The following BBS9 variants were observed in gnomAD, a reference collection of about 807,000 sequenced individuals.
BBS9 encodes the protein protein PTHB1.
BBS9 carries 89 observed loss-of-function variants against 117.7 expected under a neutral mutation model. The ratio of observed to expected loss-of-function variants is 0.76; its 90% CI spans 0.64 to 0.90. The LOEUF (loss-of-function observed/expected upper bound fraction) is 0.90. BBS9 is among the 40% of genes least tolerant of loss of function. The pLI, the probability that BBS9 is intolerant of heterozygous loss-of-function variation, is 0.00. For synonymous variants in BBS9, 379 were observed against 370.9 expected (o/e 1.02, Z -0.25); for missense variants, 982 against 1,042.2 (o/e 0.94, Z 0.80).
intron 21 of BBS9, among the ~76,000 whole-genome samples, chr7:33,576,342 C>T (rs1386522409): frequency 1.3e-5 from 2 of 152,132 alleles, no homozygotes; most frequent in Non-Finnish European, 2.9e-5. Context: ...AGGAATCCAA[C>T]TTACAAGAGA....
At chr7:33,634,049 C>G (rs1351113696) in intron 21 of BBS9, among the ~76,000 whole-genome samples, 1 of 152,224 alleles carries the variant, frequency 6.6e-6, no homozygotes, top group Non-Finnish European at 1.5e-5. Context: ...CCGCTGGTCC[C>G]CAGCAATCTG....
intron 5 of BBS9, among the ~76,000 whole-genome samples, chr7:33,238,736 T>G (rs985338027): frequency 6.6e-6 from 1 of 152,186 alleles, no homozygotes; most frequent in Non-Finnish European, 1.5e-5. Context: ...TTAGCCTTTT[T>G]ACTGTGAATT....
intron 19 of BBS9, among the ~76,000 whole-genome samples, chr7:33,480,231 G>A (rs1437659237): frequency 6.6e-6 from 1 of 152,164 alleles, no homozygotes; most frequent in Non-Finnish European, 1.5e-5. Flanking sequence ...GAAATTACTA[G>A]TGATAGTCAA....
chr7:33,195,811 G>A (rs2128201769), intron 5 of BBS9, among the ~76,000 whole-genome samples: 1 of 152,050 alleles, frequency 6.6e-6, no homozygotes, highest in Admixed American at 6.5e-5. Flanking sequence ...TCAGCCAAAT[G>A]GAAGTTCAGA....
intron 21 of BBS9, among the ~76,000 whole-genome samples, chr7:33,574,507 G>A (rs1247738403): frequency 9.2e-5 from 14 of 152,056 alleles, no homozygotes; most frequent in Non-Finnish European, 1.5e-5. Flanking sequence ...GGTCTGGGCT[G>A]CTGATTGATA....
chr7:33,199,191 T>C (rs1050820358), intron 5 of BBS9, among the ~76,000 whole-genome samples: 1 of 151,958 alleles, frequency 6.6e-6, no homozygotes, highest in Non-Finnish European at 1.5e-5. Context: ...CTTGCCCAAC[T>C]TCCTGAAAAC....
chr7:33,145,663 G>A (rs987428502), intron 1 of BBS9, among the ~76,000 whole-genome samples: 3 of 152,150 alleles, frequency 2.0e-5, no homozygotes, highest in Admixed American at 2.0e-4. Flanking sequence ...GATGGAGTTG[G>A]CCCTCCGTGT....
intron 19 of BBS9, among the ~76,000 whole-genome samples, chr7:33,430,863 G>A (rs780022653): frequency 3.3e-5 from 5 of 152,214 alleles, no homozygotes; most frequent in East Asian, 3.9e-4. Context: ...AGAGTTGGCC[G>A]TAGGTGTTTG....
At chr7:33,264,786 T>G (rs1488429750) in intron 7 of BBS9, among the ~76,000 whole-genome samples, 1 of 152,202 alleles carries the variant, frequency 6.6e-6, no homozygotes, top group East Asian at 1.9e-4. Context: ...ATGTGTACTT[T>G]TCTTTCTCTT....
At chr7:33,299,372 T>G (rs1455766441) in intron 9 of BBS9, among the ~76,000 whole-genome samples, 2 of 151,942 alleles carry the variant, frequency 1.3e-5, no homozygotes, top group African/African-American at 4.8e-5. Flanking sequence ...AAGTTGTATA[T>G]GATGTGCTGA....
intron 5 of BBS9, among the ~76,000 whole-genome samples, chr7:33,206,028 G>C (rs568915825): frequency 2.6e-5 from 4 of 152,162 alleles, no homozygotes; most frequent in Admixed American, 2.6e-4. Flanking sequence ...TTGCAGCAGT[G>C]ATCATTTTAA....
chr7:33,247,481 C>T (rs1314499047), intron 5 of BBS9, among the ~76,000 whole-genome samples: 1 of 152,114 alleles, frequency 6.6e-6, no homozygotes, highest in African/African-American at 2.4e-5. Context: ...CTTCCACCCA[C>T]CTCTTTTTAA....
At chr7:33,196,000 G>T (rs557668450) in intron 5 of BBS9, among the ~76,000 whole-genome samples, 19 of 151,926 alleles carry the variant, frequency 1.3e-4, no homozygotes, top group African/African-American at 3.9e-4. Flanking sequence ...GGAAGTGAAT[G>T]GATTTTTATC....
intron 21 of BBS9, among the ~76,000 whole-genome samples, chr7:33,602,408 C>T (rs1193231454): frequency 1.3e-5 from 2 of 152,118 alleles, no homozygotes; most frequent in Middle Eastern, 3.2e-3. Flanking sequence ...TGCTGTTGGG[C>T]AGTCTGGCTA....
At chr7:33,293,910 G>A (rs192153910) in intron 9 of BBS9, among the ~76,000 whole-genome samples, 65 of 152,158 alleles carry the variant, frequency 4.3e-4, no homozygotes, top group Admixed American at 2.4e-3. Flanking sequence ...TACATAAAGT[G>A]TAGGTTTTAG....
At chr7:33,617,331 T>C (rs922563205) in intron 21 of BBS9, among the ~76,000 whole-genome samples, 16 of 152,062 alleles carry the variant, frequency 1.1e-4, no homozygotes, top group African/African-American at 3.9e-4. Flanking sequence ...CAGAAGTCAA[T>C]GTATTAATTT....
chr7:33,339,967 A>G (rs1412099137), intron 10 of BBS9, among the ~76,000 whole-genome samples: 1 of 151,274 alleles, frequency 6.6e-6, no homozygotes, highest in Non-Finnish European at 1.5e-5. Flanking sequence ...CAATAGTTTG[A>G]TATGTATATA....
intron 11 of BBS9, among the ~76,000 whole-genome samples, chr7:33,343,146 G>A (rs1057062887): frequency 2.6e-5 from 4 of 152,034 alleles, no homozygotes; most frequent in Non-Finnish European, 5.9e-5. Context: ...AAGTGGCTTA[G>A]TTTTTCTTAG....
intron 5 of BBS9, among the ~76,000 whole-genome samples, chr7:33,186,286 T>C (rs1333032832): frequency 1.3e-5 from 2 of 152,212 alleles, no homozygotes; most frequent in Non-Finnish European, 1.5e-5. Flanking sequence ...TATAGCCCTA[T>C]GTCTGCAAAA....
Sources: gnomAD v4.1 joint callset for allele counts (sites outside exome capture counted in the v4.1 genomes callset) on GRCh38, gnomAD v4.1.1 for gene constraint, MANE v1.5 for transcripts, NCBI Gene and HGNC (gene_info 2026-07-23, HGNC 2026-07-21) for gene names.